The following NFIB variants were observed in gnomAD, a reference collection of about 807,000 sequenced individuals.
NFIB encodes the protein nuclear factor I B.
NFIB carries 11 observed loss-of-function variants against 61.5 expected under a neutral mutation model. The observed-to-expected ratio is 0.18, with a 90% CI of 0.11 to 0.30. NFIB has a LOEUF of 0.30. Ranked by LOEUF, NFIB falls within the 10% of genes least tolerant of loss-of-function variation. NFIB has a pLI of 1.00. For synonymous variants in NFIB, 260 were observed against 216.5 expected (o/e 1.20, Z -1.76); for missense variants, 471 against 608.9 (o/e 0.77, Z 2.38).
rs533693717 is a variant in NFIB at position 14,127,291 on chromosome 9, T to TA, written c.926-1526dup. On this transcript the variant is annotated intron_variant, in intron 6 of 10. Transcript: ENST00000380953. ...AGTGCTGTTGACTTTAATGGAAGTT[T>TA]ATCAACTCATAGTAAAATGTTATAA... Among the ~76,000 whole-genome samples, 703 of 152,328 alleles carry TA rather than the reference T, an allele frequency of 4.6e-3. 4 individuals carry two copies. The highest frequency in any genetic ancestry group is 6.2e-3 in the Non-Finnish European group (423 of 68,034).
upstream of NFIB, among the ~76,000 whole-genome samples, chr9:14,401,451 G>C (rs181279919): frequency 1.3e-5 from 2 of 152,190 alleles, no homozygotes; most frequent in Admixed American, 1.3e-4. Flanking sequence ...GTTCACCATC[G>C]GCCTGGAAGC....
chr9:14,478,693 G>A, the NFIB span, among the ~76,000 whole-genome samples: 1 of 152,102 alleles, frequency 6.6e-6, no homozygotes, highest in Non-Finnish European at 1.5e-5. Context: ...TTACTCCATA[G>A]TGTATTATAT....
At chr9:14,403,490 G>C (rs927474450), upstream of NFIB, among the ~76,000 whole-genome samples, 1 of 152,076 alleles carries the variant, frequency 6.6e-6, no homozygotes, top group Non-Finnish European at 1.5e-5. Flanking sequence ...TACTGGAAAA[G>C]AAAGCCAGAT....
chr9:14,116,496 G>A (rs2038166529), intron 8 of NFIB, 150 bp from the exon 9 acceptor site: 2 of 708,830 alleles, frequency 2.8e-6, no homozygotes, highest in South Asian at 8.4e-5. Context: ...GGAGAGGCCA[G>A]TCAATGGTTG....
At chr9:14,205,682 C>T (rs1041985350) in intron 2 of NFIB, among the ~76,000 whole-genome samples, 19 of 152,136 alleles carry the variant, frequency 1.2e-4, no homozygotes, top group African/African-American at 3.9e-4. Context: ...AACATTCTTG[C>T]CTCTGCTGAA....
At chr9:14,498,771 C>G in the NFIB span, among the ~76,000 whole-genome samples, 23 of 40,650 alleles carry the variant, frequency 5.7e-4, no homozygotes, top group African/African-American at 2.1e-3. Context: ...ATGGCCCTCC[C>G]TCCCTCCCTC....
chr9:14,189,380 C>G (rs2047693967), intron 2 of NFIB, among the ~76,000 whole-genome samples: 1 of 152,172 alleles, frequency 6.6e-6, no homozygotes, highest in South Asian at 2.1e-4. Context: ...TCTAAGCAAA[C>G]CATTTCACGC....
At chr9:14,341,279 G>C (rs2060946682) in intron 1 of NFIB, among the ~76,000 whole-genome samples, 4 of 152,184 alleles carry the variant, frequency 2.6e-5, no homozygotes, top group Non-Finnish European at 5.9e-5. Context: ...TGTGCAGGTT[G>C]TGGACTGCCC....
At chr9:14,196,353 T>C (rs1049848532) in intron 2 of NFIB, among the ~76,000 whole-genome samples, 1 of 152,100 alleles carries the variant, frequency 6.6e-6, no homozygotes, top group African/African-American at 2.4e-5. Context: ...TGTGTTTATG[T>C]TTTGCCTAAT....
the NFIB span, among the ~76,000 whole-genome samples, chr9:14,459,549 G>A: frequency 6.6e-6 from 1 of 151,986 alleles, no homozygotes; most frequent in South Asian, 2.1e-4. Context: ...CTTCTGCACA[G>A]CAAAAGAAAC....
At chr9:14,340,302 G>A (rs896876105) in intron 1 of NFIB, among the ~76,000 whole-genome samples, 17 of 152,194 alleles carry the variant, frequency 1.1e-4, no homozygotes, top group Non-Finnish European at 2.2e-4. Flanking sequence ...CTTAGTAAAA[G>A]AATGGGCGTT....
At chr9:14,405,657 G>C in the NFIB span, among the ~76,000 whole-genome samples, 1 of 152,140 alleles carries the variant, frequency 6.6e-6, no homozygotes, top group South Asian at 2.1e-4. Flanking sequence ...TTGTTTTCAA[G>C]CAAAAATGAA....
At chr9:14,492,471 A>T in the NFIB span, among the ~76,000 whole-genome samples, 1 of 152,154 alleles carries the variant, frequency 6.6e-6, no homozygotes, top group African/African-American at 2.4e-5. Flanking sequence ...AGGACGAATG[A>T]TGCTGGCATC....
chr9:14,143,807 C>G (rs1446682508), intron 6 of NFIB, among the ~76,000 whole-genome samples: 2 of 152,056 alleles, frequency 1.3e-5, no homozygotes, highest in Non-Finnish European at 2.9e-5. Flanking sequence ...AACCATTGGG[C>G]ATTTTATTTT....
At chr9:14,429,790 C>T in the NFIB span, among the ~76,000 whole-genome samples, 1 of 152,180 alleles carries the variant, frequency 6.6e-6, no homozygotes, top group Non-Finnish European at 1.5e-5. Context: ...CCTCTCTGGC[C>T]AGCAGTACTC....
At chr9:14,351,742 T>A (rs2061115441) in intron 1 of NFIB, among the ~76,000 whole-genome samples, 1 of 152,230 alleles carries the variant, frequency 6.6e-6, no homozygotes, top group Non-Finnish European at 1.5e-5. Context: ...TTAGAAGGTA[T>A]CTCAGGCATT....
intron 1 of NFIB, among the ~76,000 whole-genome samples, chr9:14,369,131 A>C (rs2061331585): frequency 6.6e-6 from 1 of 152,184 alleles, no homozygotes; most frequent in East Asian, 1.9e-4. Context: ...CCCCAGAATA[A>C]TGTCTGCCTC....
intron 3 of NFIB, among the ~76,000 whole-genome samples, chr9:14,159,685 T>G (rs1015077106): frequency 6.6e-6 from 1 of 152,230 alleles, no homozygotes; most frequent in Non-Finnish European, 1.5e-5. Context: ...AGTACTTGGA[T>G]ACCTACTAGT....
At chr9:14,179,683 C>T (rs201790237) in intron 3 of NFIB, 44 bp downstream of exon 3, 170 of 1,606,306 alleles carry the variant, frequency 1.1e-4, no homozygotes, top group Non-Finnish European at 2.6e-5. Flanking sequence ...TACCTTTGTT[C>T]TCCAACAATG....
Sources: gnomAD v4.1 joint callset for allele counts (sites outside exome capture counted in the v4.1 genomes callset) on GRCh38, gnomAD v4.1.1 for gene constraint, MANE v1.5 for transcripts, NCBI Gene and HGNC (gene_info 2026-07-23, HGNC 2026-07-21) for gene names.